WIPF1: variants seen among roughly 807,000 people sequenced by gnomAD.
WIPF1 encodes WAS/WASL-interacting protein family member 1.
A neutral mutation model predicts 35.4 loss-of-function variants in WIPF1; 13 were observed. That is an observed-to-expected ratio of 0.37 (90% CI 0.24 to 0.58). WIPF1 has a LOEUF of 0.58. WIPF1 is among the 20% of genes least tolerant of loss of function. The pLI is 0.74. For synonymous variants in WIPF1, 267 were observed against 266.3 expected (o/e 1.00, Z -0.02); for missense variants, 591 against 667.0 (o/e 0.89, Z 1.25).
intron 1 of WIPF1, among the ~76,000 whole-genome samples, chr2:174,603,169 G>A (rs575133158): frequency 6.6e-6 from 1 of 152,336 alleles, no homozygotes; most frequent in Admixed American, 6.5e-5. Flanking sequence ...CCAACAAAAT[G>A]GGAATTGGAA....
At chr2:174,682,050 T>A (rs1262587958) in intron 1 of WIPF1, among the ~76,000 whole-genome samples, 1 of 152,224 alleles carries the variant, frequency 6.6e-6, no homozygotes, top group Non-Finnish European at 1.5e-5. Context: ...AAAAGAAAAG[T>A]ATGTATAGTA....
intron 1 of WIPF1, among the ~76,000 whole-genome samples, chr2:174,625,128 C>A (rs1311834932): frequency 6.6e-6 from 1 of 152,108 alleles, no homozygotes; most frequent in African/African-American, 2.4e-5. Context: ...CAGCTGCTGC[C>A]GGCTGGCATC....
intron 1 of WIPF1, chr2:174,676,273 T>A (rs1218925774): frequency 2.8e-5 from 4 of 143,164 alleles, no homozygotes; most frequent in Admixed American, 2.8e-4. Context: ...CAGTGTGATA[T>A]CCCTCCCTCC....
At chr2:174,655,817 T>G (rs2105967866) in intron 1 of WIPF1, 1 of 152,412 alleles carries the variant, frequency 6.6e-6, no homozygotes, top group East Asian at 1.9e-4. Context: ...CTATAAGCTC[T>G]ATGAGGGCAG....
chr2:174,569,542 T>C (rs1684766783), intron 5 of WIPF1, among the ~76,000 whole-genome samples: 1 of 152,188 alleles, frequency 6.6e-6, no homozygotes, highest in African/African-American at 2.4e-5. Flanking sequence ...TAAATGGTCA[T>C]GTTCATGTTC....
At chr2:174,629,183 A>G (rs1686937026) in intron 1 of WIPF1, among the ~76,000 whole-genome samples, 1 of 152,318 alleles carries the variant, frequency 6.6e-6, no homozygotes, top group Non-Finnish European at 1.5e-5. Context: ...TGTGAATAGC[A>G]ACTGCACTCC....
intron 1 of WIPF1, among the ~76,000 whole-genome samples, chr2:174,626,800 G>C (rs1232025238): frequency 1.3e-5 from 2 of 152,118 alleles, no homozygotes; most frequent in Non-Finnish European, 2.9e-5. Context: ...TATTTCAATA[G>C]CCTCCTAACT....
chr2:174,633,669 G>C (rs1687096608), intron 1 of WIPF1, among the ~76,000 whole-genome samples: 1 of 152,124 alleles, frequency 6.6e-6, no homozygotes, highest in Non-Finnish European at 1.5e-5. Context: ...AATAATCTTG[G>C]GCCCTTTCTA....
chr2:174,651,003 T>A (rs1367444957), intron 1 of WIPF1, among the ~76,000 whole-genome samples: 7 of 152,256 alleles, frequency 4.6e-5, no homozygotes, highest in Non-Finnish European at 8.8e-5. Flanking sequence ...CATTGCTTGT[T>A]GGGCTTTTAA....
intron 1 of WIPF1, among the ~76,000 whole-genome samples, chr2:174,676,071 C>T (rs1209140869): frequency 2.0e-5 from 3 of 150,880 alleles, no homozygotes; most frequent in African/African-American, 7.3e-5. Context: ...CCTCAGCCTC[C>T]TGAGTAACTG....
chr2:174,640,542 GA>G (rs1417006529), intron 1 of WIPF1, among the ~76,000 whole-genome samples: 1 of 151,388 alleles, frequency 6.6e-6, no homozygotes, highest in Non-Finnish European at 1.5e-5. Context: ...AGAAATTGAA[GA>G]GGACACAAAT....
chr2:174,582,485 A>G (rs6750611), intron 2 of WIPF1, among the ~76,000 whole-genome samples: 17,439 of 152,272 alleles, frequency 0.11, 1,226 homozygotes, highest in African/African-American at 0.19. Context: ...CAGATTTGCC[A>G]GTTAGGGCCA....
At chr2:174,639,796 A>G (rs995176078) in intron 1 of WIPF1, among the ~76,000 whole-genome samples, 1 of 152,074 alleles carries the variant, frequency 6.6e-6, no homozygotes, top group Non-Finnish European at 1.5e-5. Context: ...ACCAACGTCA[A>G]GAAGAATTTT....
At chr2:174,574,054 A>G (rs4972451) in intron 4 of WIPF1, among the ~76,000 whole-genome samples, 78,243 of 151,224 alleles carry the variant, frequency 0.52, 20,925 homozygotes, top group East Asian at 0.87. Context: ...CATGCCCACT[A>G]ACTTTTTGTT....
chr2:174,632,093 T>C (rs1014301736), intron 1 of WIPF1, among the ~76,000 whole-genome samples: 1 of 152,218 alleles, frequency 6.6e-6, no homozygotes, highest in Non-Finnish European at 1.5e-5. Flanking sequence ...TCTTTCCACT[T>C]TGACCTTTAA....
intron 1 of WIPF1, among the ~76,000 whole-genome samples, chr2:174,651,434 C>A (rs1376091828): frequency 2.0e-5 from 3 of 152,202 alleles, no homozygotes; most frequent in Admixed American, 2.0e-4. Context: ...TGAGTTACTG[C>A]TAAATGAAAA....
At chr2:174,574,981 C>T (rs1483142840) in intron 4 of WIPF1, 1 of 770,738 alleles carries the variant, frequency 1.3e-6, no homozygotes. Flanking sequence ...CAGGTTACCC[C>T]CAAAGACACT....
At chr2:174,646,867 C>T (rs556576920) in intron 1 of WIPF1, among the ~76,000 whole-genome samples, 7 of 152,246 alleles carry the variant, frequency 4.6e-5, no homozygotes, top group African/African-American at 1.2e-4. Flanking sequence ...TGCCCACCTC[C>T]GCCTCCCAAA....
chr2:174,598,016 T>TC (rs1170741536), upstream of WIPF1, among the ~76,000 whole-genome samples: 2 of 152,128 alleles, frequency 1.3e-5, no homozygotes, highest in African/African-American at 4.8e-5. Context: ...CAGTGAAGAG[T>TC]CCAACTTTAT....
Sources: gnomAD v4.1 joint callset for allele counts (sites outside exome capture counted in the v4.1 genomes callset) on GRCh38, gnomAD v4.1.1 for gene constraint, MANE v1.5 for transcripts, NCBI Gene and HGNC (gene_info 2026-07-23, HGNC 2026-07-21) for gene names.